ATP7B: variants seen among roughly 807,000 people sequenced by gnomAD.
ATP7B encodes the protein copper-transporting ATPase 2.
In ATP7B, 113 loss-of-function variants were observed where a neutral mutation model predicts 118.9. That is an observed-to-expected ratio of 0.95 (90% CI 0.82 to 1.11). The LOEUF (loss-of-function observed/expected upper bound fraction) is 1.11, where lower values mean the gene tolerates loss of function less well. Ranked by LOEUF, ATP7B falls within the 50% of genes most tolerant of loss-of-function variation. The pLI, the probability that ATP7B is intolerant of heterozygous loss-of-function variation, is 0.00. For missense variants in ATP7B, 1,867 were observed against 1,871.4 expected (o/e 1.00, Z 0.04); for synonymous variants, 777 against 727.4 (o/e 1.07, Z -1.10).
chr13:51,965,512 G>C (rs2139797161), intron 4 of ATP7B, among the ~76,000 whole-genome samples: 2 of 152,306 alleles, frequency 1.3e-5, no homozygotes, highest in South Asian at 2.1e-4. Flanking sequence ...CTGGCTCCAA[G>C]GGTAATGATG....
chr13:52,007,748 C>T (rs1037614489), intron 1 of ATP7B, among the ~76,000 whole-genome samples: 1 of 152,176 alleles, frequency 6.6e-6, no homozygotes, highest in Non-Finnish European at 1.5e-5. Flanking sequence ...TCCTGACCAA[C>T]TGTAAAGTCA....
chr13:51,998,886 G>C (rs1340168709), intron 1 of ATP7B, among the ~76,000 whole-genome samples: 1 of 152,170 alleles, frequency 6.6e-6, no homozygotes, highest in African/African-American at 2.4e-5. Flanking sequence ...AGTCCAGCTA[G>C]AGGCTCACAC....
intron 1 of ATP7B, among the ~76,000 whole-genome samples, chr13:51,983,533 G>A (rs1022624047): frequency 1.8e-4 from 27 of 152,156 alleles, no homozygotes; most frequent in Non-Finnish European, 2.5e-4. Context: ...AGAGAGCAGT[G>A]GATCTCCTAG....
intron 1 of ATP7B, among the ~76,000 whole-genome samples, chr13:51,994,092 G>A (rs1953072965): frequency 6.6e-6 from 1 of 152,144 alleles, no homozygotes; most frequent in Admixed American, 6.5e-5. Flanking sequence ...AACATATTTA[G>A]TATTTCACTA....
At chr13:52,011,205 G>T in intron 1 of ATP7B, 82 bp downstream of exon 1, 1 of 1,606,772 alleles carries the variant, frequency 6.2e-7, no homozygotes, top group South Asian at 1.1e-5. Context: ...CCCCCTGGGG[G>T]CGAGTAAGCG....
At chr13:51,976,564 C>T (rs1461840349) in intron 1 of ATP7B, among the ~76,000 whole-genome samples, 2 of 152,180 alleles carry the variant, frequency 1.3e-5, no homozygotes, top group Admixed American at 1.3e-4. Flanking sequence ...GATGGTGATA[C>T]ATTCTGAGAA....
At chr13:51,957,995 G>C (rs1958467299) in intron 8 of ATP7B, 1 of 474,630 alleles carries the variant, frequency 2.1e-6, no homozygotes. Flanking sequence ...GAGGATGTAT[G>C]GATGTCTAGA....
rs187341000 is a variant in ATP7B at position 51,960,379 on chromosome 13, C to G, written c.1947-57G>C. 7 of 1,574,790 alleles carry G rather than the reference C, an allele frequency of 4.4e-6. No homozygotes were observed. In the African/African-American group the frequency reaches 6.8e-5, roughly 15 times the overall value. On this transcript the variant is annotated intron_variant, in intron 6 of 20. Coordinates refer to ENST00000242839, the MANE Select transcript of ATP7B (RefSeq NM_000053.4). ...CAGATGCTGCTTGTCACCTGGATTACAAGCCACTCCCCTTCTGAGGACACA... is the reference window on the plus strand; with the variant it reads ...CAGATGCTGCTTGTCACCTGGATTAGAAGCCACTCCCCTTCTGAGGACACA...
intron 1 of ATP7B, among the ~76,000 whole-genome samples, chr13:51,987,718 T>C (rs932865102): frequency 6.6e-6 from 1 of 152,256 alleles, no homozygotes. Flanking sequence ...AACAGAGATA[T>C]AGACCAATGG....
At chr13:51,998,789 T>C (rs1300178513) in intron 1 of ATP7B, among the ~76,000 whole-genome samples, 1 of 152,210 alleles carries the variant, frequency 6.6e-6, no homozygotes. Flanking sequence ...GGGCAGCTCA[T>C]GTTTCCATGA....
intron 6 of ATP7B, 149 bp from the exon 7 acceptor site, chr13:51,960,471 C>T (rs1288734214): frequency 2.1e-5 from 21 of 979,726 alleles, no homozygotes; most frequent in East Asian, 2.6e-5. Context: ...AGTAAGAACT[C>T]TCTCTCTCTG....
Position 51,994,264 on chromosome 13 carries a change from A to T in ATP7B, c.51+17023T>A, listed in dbSNP as rs555348815. Among the ~76,000 whole-genome samples the T allele has an allele frequency of 3.3e-5, 5 of 152,356 alleles. No homozygotes were observed. The East Asian group carries it at 7.7e-4, about 23-fold the overall frequency. On this transcript the variant is annotated intron_variant, in intron 1 of 20. Transcript: ENST00000242839. ...CTGGCTTAATACAGTTTAAAGAGAC[A>T]TAAAATGAAATTTATAAAACTACTT...
chr13:51,995,634 T>G (rs968791463), intron 1 of ATP7B, among the ~76,000 whole-genome samples: 1 of 152,192 alleles, frequency 6.6e-6, no homozygotes, highest in African/African-American at 2.4e-5. Flanking sequence ...AGAGAAATGC[T>G]TTAGAAGTGT....
chr13:52,008,783 C>T (rs186199180), intron 1 of ATP7B, among the ~76,000 whole-genome samples: 2 of 152,294 alleles, frequency 1.3e-5, no homozygotes, highest in East Asian at 3.9e-4. Flanking sequence ...ATCCTACCTT[C>T]CAAGAGAAAT....
Position 51,937,671 on chromosome 13 carries a change from G to A in ATP7B, c.3708C>T (p.Ile1236=), listed in dbSNP as rs1191860285. The A allele has an allele frequency of 5.6e-6, 9 of 1,614,220 alleles. No homozygotes were observed. Among genetic ancestry groups the A allele is most frequent in the South Asian group, 2.2e-5 (2 of 91,082 alleles). ...GCAGCACCTCTGCAAAGACTTTGTT[G>A]ATGCCAACCTAAGACAAAAGGAAGG... The part of the protein sequence containing the change: ...TARAIATQVG[I]NKVFAEVLPS... Residue 1236 remains isoleucine (I), a synonymous_variant, in exon 18 of 21, where the codon ATC becomes ATT. Transcript: ENST00000242839.
At chr13:51,937,181 G>A in intron 19 of ATP7B, 95 bp downstream of exon 19, 2 of 1,220,360 alleles carry the variant, frequency 1.6e-6, no homozygotes, top group Non-Finnish European at 2.4e-6. Flanking sequence ...CCTCTAGCCA[G>A]CCAGTGAGTG....
At chr13:52,010,803 T>C (rs1418127116) in intron 1 of ATP7B, among the ~76,000 whole-genome samples, 5 of 152,188 alleles carry the variant, frequency 3.3e-5, no homozygotes, top group African/African-American at 7.2e-5. Context: ...GACTGAAAAA[T>C]AGATCTGCTT....
At chr13:51,954,968 A>G (rs1388214856) in intron 9 of ATP7B, among the ~76,000 whole-genome samples, 1 of 152,218 alleles carries the variant, frequency 6.6e-6, no homozygotes, top group African/African-American at 2.4e-5. Context: ...AAAGGAGAGA[A>G]GAAAGCCCAT....
Position 51,935,600 on chromosome 13 carries a change from G to A in ATP7B, c.4117C>T (p.Leu1373Phe), listed in dbSNP as rs1268766352. Reference sequence around the variant, plus strand: ...CCACCTGAGGGGACTCACCACTTGAGCTGCAGGGATGAGAGCACCACAGAC... The same window carrying A: ...CCACCTGAGGGGACTCACCACTTGAACTGCAGGGATGAGAGCACCACAGAC... ...SVSVVLSSLQ[L>F]KCYKKPDLER... is the part of the protein sequence containing the mutation. Residue 1373 changes from leucine to phenylalanine, a missense_variant, in exon 20 of 21, where the codon CTC (leucine) becomes TTC (phenylalanine). Physicochemically the swap from Leu to Phe is conservative, Grantham distance 22 (BLOSUM62 0). Coordinates refer to ENST00000242839, the MANE Select transcript of ATP7B (RefSeq NM_000053.4). 1 of 1,613,292 alleles carries A rather than the reference G, an allele frequency of 6.2e-7. No individual in the cohort carries two copies. Among genetic ancestry groups the A allele is most frequent in the East Asian group, 2.2e-5 (1 of 44,866 alleles).
Sources: gnomAD v4.1 joint callset for allele counts (sites outside exome capture counted in the v4.1 genomes callset) on GRCh38, gnomAD v4.1.1 for gene constraint, MANE v1.5 for transcripts, NCBI Gene and HGNC (gene_info 2026-07-23, HGNC 2026-07-21) for gene names.